The following ARHGAP10 variants were observed in gnomAD, a reference collection of about 807,000 sequenced individuals.
ARHGAP10 encodes Rho GTPase activating protein 10.
A neutral mutation model predicts 108.6 loss-of-function variants in ARHGAP10; 87 were observed. The ratio of observed to expected loss-of-function variants is 0.80; its 90% CI spans 0.67 to 0.96. The LOEUF (loss-of-function observed/expected upper bound fraction) is 0.96, where lower values mean the gene tolerates loss of function less well. Ranked by LOEUF, ARHGAP10 falls within the 40% of genes least tolerant of loss-of-function variation. ARHGAP10 has a pLI of 0.00. For synonymous variants in ARHGAP10, 347 were observed against 341.1 expected (o/e 1.02, Z -0.19); for missense variants, 939 against 954.5 (o/e 0.98, Z 0.21).
intron 13 of ARHGAP10, among the ~76,000 whole-genome samples, chr4:147,934,891 T>C (rs1737864811): frequency 6.6e-6 from 1 of 152,200 alleles, no homozygotes; most frequent in Non-Finnish European, 1.5e-5. Context: ...AATTATGAGT[T>C]ATGTTTAGAA....
intron 10 of ARHGAP10, among the ~76,000 whole-genome samples, chr4:147,898,687 T>A (rs1284046750): frequency 6.6e-6 from 1 of 152,216 alleles, no homozygotes; most frequent in Non-Finnish European, 1.5e-5. Flanking sequence ...TTTCCATTTG[T>A]GTGTGTTTGG....
In ARHGAP10 at chr4:147,915,961, T is replaced by C. The variant is rs375877461; in HGVS notation, c.1228+2822T>C. On this transcript the variant is annotated intron_variant, in intron 13 of 22. Transcript: ENST00000336498. The stretch of plus-strand genomic sequence containing the variant: ...TGTATAAAAATTTTTTTAAAAAAAT[T>C]AGCTGAGTGTTATAGTGTTTGCTTG... Among the ~76,000 whole-genome samples, 37 of 152,188 alleles carry C rather than the reference T, an allele frequency of 2.4e-4. No homozygotes were observed. In the South Asian group the frequency reaches 7.3e-3, roughly 30 times the overall value.
intron 1 of ARHGAP10, among the ~76,000 whole-genome samples, chr4:147,789,975 G>A (rs1032810950): frequency 1.3e-5 from 2 of 151,210 alleles, no homozygotes; most frequent in Admixed American, 6.6e-5. Context: ...GAACAGAAAG[G>A]TGTGTTGGTG....
At chr4:148,001,009 T>C (rs111948971) in intron 18 of ARHGAP10, among the ~76,000 whole-genome samples, 2,820 of 152,348 alleles carry the variant, frequency 0.019, 96 homozygotes, top group African/African-American at 0.064. Context: ...CCCATGCCTA[T>C]GTCCTGAATG....
At chr4:147,779,963 A>G (rs978047175) in intron 1 of ARHGAP10, among the ~76,000 whole-genome samples, 2 of 152,184 alleles carry the variant, frequency 1.3e-5, no homozygotes, top group Non-Finnish European at 2.9e-5. Flanking sequence ...GAGTGGGACA[A>G]TGTCACTTTT....
At chr4:148,036,039 CTAATT>C (rs1728362277) in intron 19 of ARHGAP10, among the ~76,000 whole-genome samples, 1 of 148,916 alleles carries the variant, frequency 6.7e-6, no homozygotes, top group Admixed American at 6.7e-5. Flanking sequence ...CTTTACTATT[CTAATT>C]TGTTTAATAA....
rs1553962354 is a variant in ARHGAP10 at position 147,912,039 on chromosome 4, G to GTGTGTA, written c.1163-1034_1163-1033insGTGTAT. On this transcript the variant is annotated intron_variant, in intron 12 of 22. Coordinates refer to ENST00000336498, the MANE Select transcript of ARHGAP10 (RefSeq NM_024605.4). ...TGTGTGTGTGTGTGTGTGTGTGTGTGTATAGTTTTCTTTAACTGAGCTGCT... is the reference window on the plus strand; with the variant it reads ...TGTGTGTGTGTGTGTGTGTGTGTGTGTGTGTATATAGTTTTCTTTAACTGAGCTGCT... Among the ~76,000 whole-genome samples, 293 of 121,766 alleles carry GTGTGTA rather than the reference G, an allele frequency of 2.4e-3. 2 individuals are homozygous for GTGTGTA. The highest frequency in any genetic ancestry group is 0.011 in the East Asian group (48 of 4,200). The allele number at this position is 121,766 out of a possible 152,430, so 79.9% of individuals were successfully genotyped here.
At chr4:148,005,694 ATTC>A (rs1237887821) in intron 18 of ARHGAP10, among the ~76,000 whole-genome samples, 2 of 152,300 alleles carry the variant, frequency 1.3e-5, no homozygotes, top group Admixed American at 6.5e-5. Flanking sequence ...AGTGAATCTG[ATTC>A]TTCTTTGAGT....
intron 4 of ARHGAP10, among the ~76,000 whole-genome samples, chr4:147,849,606 C>T (rs1320243632): frequency 6.6e-6 from 1 of 152,212 alleles, no homozygotes; most frequent in Non-Finnish European, 1.5e-5. Flanking sequence ...CTTTCCCCGT[C>T]TCCTGTTTCC....
chr4:147,900,384 A>T (rs1736190259), intron 10 of ARHGAP10, among the ~76,000 whole-genome samples: 1 of 152,250 alleles, frequency 6.6e-6, no homozygotes, highest in Admixed American at 6.5e-5. Context: ...TCCAATTCCC[A>T]AACTTAGGTA....
At chr4:147,747,949 C>T (rs1279957150) in intron 1 of ARHGAP10, among the ~76,000 whole-genome samples, 1 of 152,092 alleles carries the variant, frequency 6.6e-6, no homozygotes, top group Non-Finnish European at 1.5e-5. Context: ...TTGGTTGTTA[C>T]TTTAGGGAGA....
At chr4:148,066,156 G>A (rs75595958) in intron 22 of ARHGAP10, among the ~76,000 whole-genome samples, 6,361 of 152,176 alleles carry the variant, frequency 0.042, 476 homozygotes, top group African/African-American at 0.14. Context: ...TTTCCCTGGC[G>A]GGAGCGAGAT....
intron 1 of ARHGAP10, among the ~76,000 whole-genome samples, chr4:147,792,397 G>A (rs751888016): frequency 1.3e-5 from 2 of 152,050 alleles, no homozygotes; most frequent in South Asian, 2.1e-4. Context: ...TTGGTGACAG[G>A]GACTCAGGTT....
At chr4:147,831,668 T>C (rs556876502) in intron 3 of ARHGAP10, among the ~76,000 whole-genome samples, 1 of 152,340 alleles carries the variant, frequency 6.6e-6, no homozygotes, top group Admixed American at 6.5e-5. Context: ...TTGGACAGCA[T>C]TGCTTTTTCT....
At chr4:147,864,771 A>G in intron 5 of ARHGAP10, 75 bp from the exon 6 acceptor site, 1 of 1,323,220 alleles carries the variant, frequency 7.6e-7, no homozygotes, top group South Asian at 1.3e-5. Context: ...CATGGACCAC[A>G]GTGTGATGAC....
At chr4:147,997,211 A>G (rs1401563230) in intron 18 of ARHGAP10, among the ~76,000 whole-genome samples, 2 of 152,226 alleles carry the variant, frequency 1.3e-5, no homozygotes, top group African/African-American at 4.8e-5. Context: ...TTAACTAACC[A>G]AAATACCCAG....
intron 1 of ARHGAP10, 88 bp from the exon 2 acceptor site, chr4:147,822,639 C>T (rs1732552081): frequency 1.5e-6 from 2 of 1,349,618 alleles, no homozygotes; most frequent in Non-Finnish European, 2.1e-6. Context: ...GAGAGCTCTA[C>T]AGCTTTACCA....
intron 1 of ARHGAP10, among the ~76,000 whole-genome samples, chr4:147,786,113 G>A (rs7698166): frequency 0.95 from 144,288 of 152,194 alleles, 68,587 homozygotes; most frequent in East Asian, 0.98. Flanking sequence ...AGTAAGACAG[G>A]GGGAGACCCT....
intron 10 of ARHGAP10, 151 bp from the exon 11 acceptor site, chr4:147,906,487 A>T: frequency 3.0e-6 from 2 of 672,246 alleles, no homozygotes; most frequent in Admixed American, 2.9e-5. Context: ...TGAACTCTAC[A>T]CTTAAAAATC....
Sources: allele counts gnomAD v4.1 joint callset (sites outside exome capture counted in the v4.1 genomes callset), GRCh38; gene constraint gnomAD v4.1.1; transcripts MANE v1.5; gene names NCBI Gene and HGNC (gene_info 2026-07-23, HGNC 2026-07-21).